The following ROBO2 variants were observed in gnomAD, a reference collection of about 807,000 sequenced individuals.
ROBO2 encodes roundabout guidance receptor 2.
Under a neutral mutation model 160.8 loss-of-function variants are expected in ROBO2, and 53 were observed. That is an observed-to-expected ratio of 0.33 (90% CI 0.26 to 0.41). The LOEUF (loss-of-function observed/expected upper bound fraction) is 0.41. Ranked by LOEUF, ROBO2 falls within the 10% of genes least tolerant of loss-of-function variation. The pLI is 1.00. For missense variants in ROBO2, 1,577 were observed against 1,722.4 expected (o/e 0.92, Z 1.49); for synonymous variants, 664 against 611.7 (o/e 1.09, Z -1.26).
intron 2 of ROBO2, among the ~76,000 whole-genome samples, chr3:76,456,362 A>G (rs1293439429): frequency 6.6e-6 from 1 of 152,248 alleles, no homozygotes; most frequent in Non-Finnish European, 1.5e-5. Context: ...ATCATCAATC[A>G]TAGTTCATTC....
At chr3:77,063,018 A>T (rs1400176554) in intron 1 of ROBO2, among the ~76,000 whole-genome samples, 2 of 152,216 alleles carry the variant, frequency 1.3e-5, no homozygotes, top group African/African-American at 4.8e-5. Flanking sequence ...GAGGAATATT[A>T]TACTGCTGTG....
chr3:77,373,423 T>G (rs7618772), intron 2 of ROBO2, among the ~76,000 whole-genome samples: 1 of 151,578 alleles, frequency 6.6e-6, no homozygotes, highest in African/African-American at 2.4e-5. Flanking sequence ...TCTATGTAAA[T>G]GTATATCTGT....
intron 2 of ROBO2, among the ~76,000 whole-genome samples, chr3:77,461,345 C>T (rs986644046): frequency 6.6e-6 from 1 of 151,844 alleles, no homozygotes; most frequent in African/African-American, 2.4e-5. Context: ...AATGAGCCAA[C>T]ATTATTATAG....
chr3:76,033,912 G>A lies in ROBO2; in HGVS notation c.109+96310G>A, dbSNP rs965031854. 2.6e-5 allele frequency among the ~76,000 whole-genome samples: 4 copies of A among 152,158 alleles called. No individual in the cohort carries two copies. The East Asian group carries it at 7.7e-4, about 29-fold the overall frequency. ...AATAGGAGATCCTGGAATTCTTTAT[G>A]TGGAGCTGAATTCCGAAAGGGAAAG... On this transcript the variant is annotated intron_variant, in intron 2 of 26. Transcript: ENST00000487694.
chr3:77,213,219 TG>T (rs1351926936), intron 2 of ROBO2, among the ~76,000 whole-genome samples: 1 of 152,168 alleles, frequency 6.6e-6, no homozygotes, highest in Non-Finnish European at 1.5e-5. Flanking sequence ...ACTTTTTTTT[TG>T]GTTGTTAAGC....
intron 2 of ROBO2, among the ~76,000 whole-genome samples, chr3:76,251,146 C>A (rs1045865658): frequency 6.6e-6 from 1 of 151,914 alleles, no homozygotes; most frequent in African/African-American, 2.4e-5. Flanking sequence ...GGTATAAACA[C>A]CATCTATAAT....
intron 2 of ROBO2, among the ~76,000 whole-genome samples, chr3:76,977,256 A>C (rs1249325395): frequency 6.6e-6 from 1 of 152,174 alleles, no homozygotes. Flanking sequence ...TATGAACTGC[A>C]TTATAACAAA....
chr3:76,591,476 C>G (rs2086414198), intron 2 of ROBO2, among the ~76,000 whole-genome samples: 1 of 152,054 alleles, frequency 6.6e-6, no homozygotes, highest in African/African-American at 2.4e-5. Flanking sequence ...ATTTCTGTAG[C>G]TTGTTCTCTA....
At chr3:76,355,505 T>C (rs2075106239) in intron 2 of ROBO2, among the ~76,000 whole-genome samples, 1 of 151,778 alleles carries the variant, frequency 6.6e-6, no homozygotes, top group Non-Finnish European at 1.5e-5. Context: ...GGATGGCAAC[T>C]GGTTGAGCTA....
At chr3:76,734,414 T>C (rs1410212069) in intron 2 of ROBO2, among the ~76,000 whole-genome samples, 1 of 152,212 alleles carries the variant, frequency 6.6e-6, no homozygotes, top group Non-Finnish European at 1.5e-5. Context: ...TGCATATTAT[T>C]AAACTGTTTA....
At chr3:77,422,175 TC>T (rs1330208331) in intron 2 of ROBO2, among the ~76,000 whole-genome samples, 1 of 152,154 alleles carries the variant, frequency 6.6e-6, no homozygotes, top group Non-Finnish European at 1.5e-5. Flanking sequence ...TGCACAAGCA[TC>T]CCACTCGGTT....
chr3:77,470,588 A>G (rs1330083138), intron 2 of ROBO2, among the ~76,000 whole-genome samples: 1 of 152,204 alleles, frequency 6.6e-6, no homozygotes, highest in Non-Finnish European at 1.5e-5. Context: ...AGCTATTATC[A>G]TAGAACAAGT....
intron 2 of ROBO2, among the ~76,000 whole-genome samples, chr3:76,530,354 C>G (rs1461784872): frequency 6.6e-6 from 1 of 152,154 alleles, no homozygotes; most frequent in Non-Finnish European, 1.5e-5. Context: ...TGATGTAGGC[C>G]TTGGAATTTG....
intron 2 of ROBO2, among the ~76,000 whole-genome samples, chr3:77,250,486 C>T (rs1360584931): frequency 2.0e-5 from 3 of 152,164 alleles, no homozygotes; most frequent in Admixed American, 6.5e-5. Flanking sequence ...TCCATATATC[C>T]AGCCAGTCAA....
chr3:76,410,686 G>T (rs1402659155), intron 2 of ROBO2, among the ~76,000 whole-genome samples: 3 of 152,106 alleles, frequency 2.0e-5, no homozygotes, highest in Non-Finnish European at 4.4e-5. Context: ...AAATGTTTCT[G>T]CTTATTGGTG....
intron 2 of ROBO2, among the ~76,000 whole-genome samples, chr3:76,048,439 CAGAT>C (rs1368859537): frequency 1.3e-5 from 2 of 152,066 alleles, no homozygotes; most frequent in Non-Finnish European, 1.5e-5. Flanking sequence ...GAGTAGGAAA[CAGAT>C]AGTGATAAGC....
At chr3:76,630,360 C>T (rs956696994) in intron 2 of ROBO2, among the ~76,000 whole-genome samples, 1 of 152,136 alleles carries the variant, frequency 6.6e-6, no homozygotes, top group Non-Finnish European at 1.5e-5. Flanking sequence ...GGAACTTGAA[C>T]TGGAATAAGC....
intron 2 of ROBO2, among the ~76,000 whole-genome samples, chr3:76,032,221 A>G (rs1576561006): frequency 6.6e-6 from 1 of 151,642 alleles, no homozygotes; most frequent in East Asian, 1.9e-4. Flanking sequence ...ATCATTTTTT[A>G]TTGCGTCTAT....
At chr3:77,634,966 G>A (rs200131009) in exon 24 of ROBO2, 17 of 1,613,860 alleles carry the variant, frequency 1.1e-5, no homozygotes, top group African/African-American at 2.7e-5. Context: ...CAGAGGCCTC[G>A]GCCCACTAAA....
Sources: allele counts gnomAD v4.1 joint callset (sites outside exome capture counted in the v4.1 genomes callset), GRCh38; gene constraint gnomAD v4.1.1; transcripts MANE v1.5; gene names NCBI Gene and HGNC (gene_info 2026-07-23, HGNC 2026-07-21).